Variants in ATP13A4 observed in about 807,000 individuals in gnomAD.
ATP13A4 encodes the protein ATPase 13A4, also known as probable cation-transporting ATPase 13A4.
In ATP13A4, 114 loss-of-function variants were observed where a neutral mutation model predicts 142.5. The observed-to-expected ratio is 0.80, with a 90% CI of 0.69 to 0.93. The LOEUF is 0.93. Among genes scored for constraint, ATP13A4 ranks in the 40% least tolerant of loss-of-function variants. The pLI, the probability that ATP13A4 is intolerant of heterozygous loss-of-function variation, is 0.00. For missense variants in ATP13A4, 1,392 were observed against 1,454.0 expected (o/e 0.96, Z 0.69); for synonymous variants, 488 against 514.8 (o/e 0.95, Z 0.70).
At chr3:193,590,477 G>A (rs1257317737) in intron 1 of ATP13A4, among the ~76,000 whole-genome samples, 4 of 152,162 alleles carry the variant, frequency 2.6e-5, no homozygotes, top group Non-Finnish European at 5.9e-5. Context: ...ATTGATTCCT[G>A]AGCAGTAAGG....
intron 25 of ATP13A4, 41 bp downstream of exon 25, chr3:193,433,804 G>T: frequency 6.8e-7 from 1 of 1,469,992 alleles, no homozygotes; most frequent in African/African-American, 1.4e-5. Flanking sequence ...GAGGGCAGCT[G>T]AGGGTAGCAC....
At chr3:193,460,188 T>G (rs1717872939) in intron 13 of ATP13A4, among the ~76,000 whole-genome samples, 1 of 152,186 alleles carries the variant, frequency 6.6e-6, no homozygotes, top group Non-Finnish European at 1.5e-5. Flanking sequence ...CTCCCTCTGG[T>G]GTCGCACAGG....
intron 17 of ATP13A4, among the ~76,000 whole-genome samples, chr3:193,451,568 G>A (rs1188303173): frequency 1.3e-5 from 2 of 152,142 alleles, no homozygotes; most frequent in East Asian, 1.9e-4. Flanking sequence ...ACTTGGAATG[G>A]CTTTCTATCT....
intron 1 of ATP13A4, among the ~76,000 whole-genome samples, chr3:193,550,838 T>C (rs1280695024): frequency 2.0e-5 from 3 of 152,294 alleles, no homozygotes; most frequent in Middle Eastern, 3.4e-3. Context: ...CCCCAAAAGA[T>C]TGATTGTGTT....
At chr3:193,422,783 T>G (rs1025305689) in intron 25 of ATP13A4, among the ~76,000 whole-genome samples, 4 of 148,420 alleles carry the variant, frequency 2.7e-5, no homozygotes, top group Non-Finnish European at 6.0e-5. Context: ...AAAGAAGAAA[T>G]AACAAACAAC....
chr3:193,444,406 A>G (rs1344720841), intron 18 of ATP13A4, among the ~76,000 whole-genome samples: 1 of 152,242 alleles, frequency 6.6e-6, no homozygotes, highest in Non-Finnish European at 1.5e-5. Context: ...TAATTTGTTG[A>G]CAGTGGACAT....
chr3:193,501,099 G>C (rs1461246049), intron 3 of ATP13A4, among the ~76,000 whole-genome samples: 1 of 152,090 alleles, frequency 6.6e-6, no homozygotes, highest in Non-Finnish European at 1.5e-5. Context: ...TGTTGACTTG[G>C]CCATTTCTTC....
chr3:193,442,520 T>C lies in ATP13A4; in HGVS notation c.2189A>G (p.Lys730Arg). 1 of 1,614,100 alleles carries C rather than the reference T, an allele frequency of 6.2e-7. No individual in the cohort carries two copies. The highest frequency in any genetic ancestry group is 1.1e-5 in the South Asian group (1 of 91,080). Residue 730 changes from lysine (K) to arginine (R), a missense_variant, in exon 19 of 30, where the codon AAA becomes AGA. Transcript: ENST00000342695. ...CTGGCTTTCAGAAACCATTCCAGAT[T>C]TTCTGGCCACTGTTATTGCAGTCTG... ...NLQTAITVAR[K>R]SGMVSESQKV...
At chr3:193,521,731 G>A (rs1291915248) in intron 1 of ATP13A4, among the ~76,000 whole-genome samples, 4 of 151,956 alleles carry the variant, frequency 2.6e-5, no homozygotes, top group Non-Finnish European at 4.4e-5. Flanking sequence ...TCAGGAGATC[G>A]AGACCAGCCT....
chr3:193,509,638 C>A (rs1483835749), intron 2 of ATP13A4, among the ~76,000 whole-genome samples: 1 of 152,124 alleles, frequency 6.6e-6, no homozygotes, highest in African/African-American at 2.4e-5. Flanking sequence ...TATTTTAATA[C>A]ACGGTAAAAA....
intron 29 of ATP13A4, among the ~76,000 whole-genome samples, chr3:193,405,304 G>C (rs1714440834): frequency 6.6e-6 from 1 of 152,192 alleles, no homozygotes; most frequent in Non-Finnish European, 1.5e-5. Flanking sequence ...GAAAAATAAT[G>C]ATAATAAGTG....
At chr3:193,475,384 C>T (rs1293492044) in intron 8 of ATP13A4, among the ~76,000 whole-genome samples, 1 of 151,804 alleles carries the variant, frequency 6.6e-6, no homozygotes, top group Non-Finnish European at 1.5e-5. Flanking sequence ...GTAAAATATA[C>T]GCAGCAGGAA....
intron 1 of ATP13A4, among the ~76,000 whole-genome samples, chr3:193,522,719 GT>G (rs942059389): frequency 5.9e-5 from 9 of 152,096 alleles, no homozygotes; most frequent in African/African-American, 2.2e-4. Context: ...CCTTAAACAG[GT>G]TTTCACAAGC....
chr3:193,466,847 C>T (rs1718318398), intron 10 of ATP13A4, among the ~76,000 whole-genome samples: 1 of 151,874 alleles, frequency 6.6e-6, no homozygotes. Flanking sequence ...CAGGCATATG[C>T]CATAGTTCAA....
chr3:193,523,381 G>A (rs537791315), intron 1 of ATP13A4, among the ~76,000 whole-genome samples: 6 of 152,280 alleles, frequency 3.9e-5, no homozygotes, highest in South Asian at 2.1e-4. Context: ...CAGGATGGGG[G>A]CTGGTGGTCA....
intron 25 of ATP13A4, among the ~76,000 whole-genome samples, chr3:193,425,435 T>A (rs1715608533): frequency 6.6e-6 from 1 of 151,692 alleles, no homozygotes; most frequent in African/African-American, 2.4e-5. Context: ...GCCCTATTCA[T>A]AATAGCCAAA....
At chr3:193,457,275 C>T in intron 15 of ATP13A4, 104 bp downstream of exon 15, 1 of 1,571,914 alleles carries the variant, frequency 6.4e-7, no homozygotes, top group Non-Finnish European at 8.8e-7. Flanking sequence ...CCCATTTTCA[C>T]ACCTGAAATT....
At chr3:193,550,736 A>G (rs1414458962) in intron 1 of ATP13A4, among the ~76,000 whole-genome samples, 2 of 152,208 alleles carry the variant, frequency 1.3e-5, no homozygotes, top group Non-Finnish European at 2.9e-5. Context: ...AAGAATTCAA[A>G]GGTTTTTTTA....
chr3:193,448,380 C>G (rs1717080273), intron 17 of ATP13A4, 50 bp from the exon 18 acceptor site: 1 of 1,584,996 alleles, frequency 6.3e-7, no homozygotes, highest in Admixed American at 1.7e-5. Context: ...CATATTACAG[C>G]TTTTTTTTTG....
Sources: gnomAD v4.1 joint callset for allele counts (sites outside exome capture counted in the v4.1 genomes callset) on GRCh38, gnomAD v4.1.1 for gene constraint, MANE v1.5 for transcripts, NCBI Gene and HGNC (gene_info 2026-07-23, HGNC 2026-07-21) for gene names.